The following TRAT1 variants were observed in gnomAD, a reference collection of about 807,000 sequenced individuals.
The protein encoded by TRAT1 is T cell receptor associated transmembrane adaptor 1, also known as T-cell receptor-associated transmembrane adapter 1.
Under a neutral mutation model 20.0 loss-of-function variants are expected in TRAT1, and 20 were observed. The ratio of observed to expected loss-of-function variants is 1.00; its 90% CI spans 0.70 to 1.45. The LOEUF is 1.45. Ranked by LOEUF, TRAT1 falls within the 40% of genes most tolerant of loss-of-function variation. The pLI is 0.00. For missense variants in TRAT1, 237 were observed against 224.1 expected, an observed-to-expected ratio of 1.06 and a Z score of -0.37; for synonymous variants, 77 against 74.2, an observed-to-expected ratio of 1.04 and a Z score of -0.20.
At chr3:108,824,073 T>C (rs1248698340) in intron 1 of TRAT1, among the ~76,000 whole-genome samples, 1 of 152,204 alleles carries the variant, frequency 6.6e-6, no homozygotes, top group Non-Finnish European at 1.5e-5. Flanking sequence ...GGTTTCATTA[T>C]GTTGGCCAGG....
chr3:108,829,586 A>AAGACACACAC, intron 1 of TRAT1, among the ~76,000 whole-genome samples: 1 of 142,562 alleles, frequency 7.0e-6, no homozygotes, highest in South Asian at 2.2e-4. Flanking sequence ...TCCATCTCAA[A>AAGACACACAC]ACACACACAC....
intron 3 of TRAT1, among the ~76,000 whole-genome samples, chr3:108,844,860 A>AAAG (rs1945927572): frequency 1.4e-5 from 2 of 147,832 alleles, no homozygotes; most frequent in African/African-American, 5.1e-5. Flanking sequence ...AAAAAAAAAA[A>AAAG]AAAAAAAAAG....
At chr3:108,839,211 G>A in intron 3 of TRAT1, 2 of 498,416 alleles carry the variant, frequency 4.0e-6, no homozygotes, top group South Asian at 2.9e-5. Flanking sequence ...ATTCTAACCT[G>A]ATAACTATAG....
intron 3 of TRAT1, among the ~76,000 whole-genome samples, chr3:108,843,497 T>TC (rs2107513265): frequency 6.6e-6 from 1 of 152,138 alleles, no homozygotes; most frequent in East Asian, 1.9e-4. Context: ...ACCACTGCAC[T>TC]CCAACATGGT....
At chr3:108,827,902 G>A (rs920410245) in intron 1 of TRAT1, among the ~76,000 whole-genome samples, 4 of 152,152 alleles carry the variant, frequency 2.6e-5, no homozygotes, top group Non-Finnish European at 5.9e-5. Context: ...AAAACTTTTA[G>A]TGTAGCATAT....
At chr3:108,842,765 G>A (rs746091172) in intron 3 of TRAT1, among the ~76,000 whole-genome samples, 17 of 152,160 alleles carry the variant, frequency 1.1e-4, no homozygotes, top group Non-Finnish European at 1.6e-4. Context: ...AAACTTTGGC[G>A]AAAGACCCTT....
chr3:108,849,340 A>C, intron 5 of TRAT1, 86 bp downstream of exon 5: 2 of 1,167,448 alleles, frequency 1.7e-6, no homozygotes, highest in South Asian at 2.9e-5. Flanking sequence ...ATAGCCTGTT[A>C]GAAATTTTGC....
At chr3:108,824,202 A>G (rs1945717138) in intron 1 of TRAT1, among the ~76,000 whole-genome samples, 4 of 152,188 alleles carry the variant, frequency 2.6e-5, no homozygotes, top group Admixed American at 2.0e-4. Flanking sequence ...ATATTTTTAC[A>G]TGACAGAAAG....
intron 1 of TRAT1, among the ~76,000 whole-genome samples, chr3:108,824,598 G>A (rs957871627): frequency 6.6e-6 from 1 of 152,194 alleles, no homozygotes; most frequent in African/African-American, 2.4e-5. Context: ...ATGGAGTAAA[G>A]ATTGCATATA....
chr3:108,849,849 C>T (rs1183914408), intron 5 of TRAT1, among the ~76,000 whole-genome samples: 3 of 152,172 alleles, frequency 2.0e-5, no homozygotes, highest in African/African-American at 7.2e-5. Context: ...CTTTTTCCTA[C>T]CACAATCTGT....
intron 3 of TRAT1, among the ~76,000 whole-genome samples, chr3:108,843,861 CTCTTTGGTTTTCTTCT>C (rs1320896133): frequency 6.6e-6 from 1 of 152,236 alleles, no homozygotes; most frequent in Non-Finnish European, 1.5e-5. Context: ...AGCCACCTCC[CTCTTTGGTTTTCTTCT>C]TCTCTTACCA....
intron 3 of TRAT1, among the ~76,000 whole-genome samples, chr3:108,843,523 C>T (rs145950733): frequency 2.9e-4 from 44 of 152,076 alleles, no homozygotes; most frequent in African/African-American, 1.0e-3. Context: ...AGCAAGACTC[C>T]GTCTCAAAAA....
rs1576521356 is a variant in TRAT1 at position 108,838,765 on chromosome 3, T to A, written c.119-169T>A. On this transcript the variant is annotated intron_variant, in intron 2 of 5. Transcript: ENST00000295756. ...TAATTTGGTAAAAGGCAAATCTGAT[T>A]GGCCCAAGAGGAGACCTTTAACCCT... is the stretch of plus-strand genomic sequence containing the variant. Among the ~76,000 whole-genome samples, 3 of 152,154 alleles carry A rather than the reference T, an allele frequency of 2.0e-5. No individual in the cohort carries two copies. The South Asian group carries it at 6.2e-4, about 32-fold the overall frequency.
chr3:108,848,097 TATA>T (rs985101928), intron 4 of TRAT1, among the ~76,000 whole-genome samples: 1 of 152,244 alleles, frequency 6.6e-6, no homozygotes, highest in Non-Finnish European at 1.5e-5. Flanking sequence ...GTTAGTCACC[TATA>T]ATACTCAACT....
intron 5 of TRAT1, among the ~76,000 whole-genome samples, chr3:108,850,264 C>T (rs1283539296): frequency 6.6e-6 from 1 of 151,668 alleles, no homozygotes; most frequent in African/African-American, 2.4e-5. Context: ...GAATTTTACT[C>T]TTTTTCTTTA....
rs1022450219 is a variant in TRAT1, at chr3:108,827,689, G to A, written c.8-2981G>A. Among the ~76,000 whole-genome samples, 3 of 152,094 alleles carry A rather than the reference G, an allele frequency of 2.0e-5. No homozygotes were observed. The East Asian group carries it at 5.8e-4, about 29-fold the overall frequency. ...AAAAGCAGAGGAAACCAGAGACCATGTGAAACTGCATCACACATACCTAAA... is the reference window on the plus strand; with the variant it reads ...AAAAGCAGAGGAAACCAGAGACCATATGAAACTGCATCACACATACCTAAA... On this transcript the variant is annotated intron_variant, in intron 1 of 5. Coordinates refer to ENST00000295756, the MANE Select transcript of TRAT1 (RefSeq NM_016388.4).
intron 1 of TRAT1, 125 bp downstream of exon 1, chr3:108,823,059 A>G (rs1020239125): frequency 6.1e-6 from 5 of 825,522 alleles, no homozygotes; most frequent in Non-Finnish European, 7.7e-6. Flanking sequence ...GATAACTTTT[A>G]GTGTAATTAA....
intron 3 of TRAT1, among the ~76,000 whole-genome samples, chr3:108,841,976 G>T (rs553095264): frequency 2.0e-5 from 3 of 152,124 alleles, no homozygotes; most frequent in Non-Finnish European, 4.4e-5. Context: ...ATCATATGAA[G>T]AATAAGGTTT....
rs181717253 is a variant in TRAT1, at chr3:108,846,380, A to T, written c.153-688A>T. Among the ~76,000 whole-genome samples, 568 of 152,328 alleles carry T rather than the reference A, an allele frequency of 3.7e-3. 2 individuals carry two copies. The highest frequency in any genetic ancestry group is 6.6e-3 in the Non-Finnish European group (450 of 68,030). On this transcript the variant is annotated intron_variant, in intron 3 of 5. Transcript: ENST00000295756. ...AAATAAATTAATCTATCTGAATCTC[A>T]GGGTTCTCCCCTGTAAAGCAGGGAA... is the stretch of plus-strand genomic sequence containing the variant.
Sources: allele counts gnomAD v4.1 joint callset (sites outside exome capture counted in the v4.1 genomes callset), GRCh38; gene constraint gnomAD v4.1.1; transcripts MANE v1.5; gene names NCBI Gene and HGNC (gene_info 2026-07-23, HGNC 2026-07-21).